FCHSD2: variants seen among roughly 807,000 people sequenced by gnomAD.
The protein encoded by FCHSD2 is FCH and double SH3 domains 2.
A neutral mutation model predicts 108.1 loss-of-function variants in FCHSD2; 38 were observed. The ratio of observed to expected loss-of-function variants is 0.35; its 90% CI spans 0.27 to 0.46. FCHSD2 has a LOEUF of 0.46. FCHSD2 is among the 20% of genes least tolerant of loss of function. FCHSD2 has a pLI of 1.00. For missense variants in FCHSD2, 751 were observed against 897.8 expected, an observed-to-expected ratio of 0.84 and a Z score of 2.09; for synonymous variants, 279 against 314.7, an observed-to-expected ratio of 0.89 and a Z score of 1.20.
chr11:72,975,179 T>C (rs889254341), intron 8 of FCHSD2, among the ~76,000 whole-genome samples: 16 of 152,238 alleles, frequency 1.1e-4, no homozygotes, highest in Non-Finnish European at 1.8e-4. Context: ...TAATATTTCA[T>C]TGTGTATATA....
rs1484449577 is a variant in FCHSD2 at position 72,921,921 on chromosome 11, G to A, written c.735C>T (p.Leu245=). 6 of 1,596,552 alleles carry A rather than the reference G, an allele frequency of 3.8e-6. No homozygotes were observed. In the Admixed American group the frequency reaches 5.2e-5, roughly 14 times the overall value. ...GGCTGAAGGCTATTAAATAATCCTTGAGATGATCATACACATTTCCATCAA... is the reference window on the plus strand; with the variant it reads ...GGCTGAAGGCTATTAAATAATCCTTAAGATGATCATACACATTTCCATCAA... ...KALDGNVYDH[L]KDYLIAFSRT... Residue 245 remains leucine (L), a synonymous_variant, in exon 9 of 20, where the codon CTC becomes CTT. Transcript: ENST00000409418.
intron 2 of FCHSD2, among the ~76,000 whole-genome samples, chr11:73,119,028 G>A (rs1219013584): frequency 1.3e-5 from 2 of 151,968 alleles, no homozygotes; most frequent in African/African-American, 2.4e-5. Context: ...AAGGCCAGGC[G>A]CGGTGACTCA....
At chr11:73,128,946 A>C (rs1745165025) in intron 2 of FCHSD2, among the ~76,000 whole-genome samples, 1 of 152,120 alleles carries the variant, frequency 6.6e-6, no homozygotes, top group Non-Finnish European at 1.5e-5. Flanking sequence ...ATCTCAGCTC[A>C]CTGCAACCTC....
Position 73,002,723 on chromosome 11 carries a change from G to A in FCHSD2, c.243-1589C>T, listed in dbSNP as rs372934826. Among the ~76,000 whole-genome samples, 42 of 152,198 alleles carry A rather than the reference G, an allele frequency of 2.8e-4. No individual in the cohort carries two copies. In the South Asian group the frequency reaches 7.9e-3, roughly 29 times the overall value. The stretch of plus-strand genomic sequence containing the variant: ...TCTTTATCCCTTCTCCTAGTTAATA[G>A]CTGTTTGCCCTTCCAGTCTCAGTTT... On this transcript the variant is annotated intron_variant, in intron 4 of 19. Coordinates refer to ENST00000409418, the MANE Select transcript of FCHSD2 (RefSeq NM_014824.3).
chr11:73,136,465 T>C (rs1162448318), intron 2 of FCHSD2, among the ~76,000 whole-genome samples: 1 of 151,344 alleles, frequency 6.6e-6, no homozygotes, highest in Non-Finnish European at 1.5e-5. Flanking sequence ...GGAGGATCGC[T>C]TGAGCCCGAG....
intron 3 of FCHSD2, 44 bp downstream of exon 3, chr11:73,083,651 G>A: frequency 1.6e-6 from 2 of 1,289,698 alleles, no homozygotes; most frequent in Non-Finnish European, 2.2e-6. Flanking sequence ...TTAAGCCACG[G>A]AAAAGAAGTA....
intron 13 of FCHSD2, among the ~76,000 whole-genome samples, chr11:72,855,849 A>G (rs1435058288): frequency 6.6e-6 from 1 of 152,194 alleles, no homozygotes; most frequent in Non-Finnish European, 1.5e-5. Context: ...TAAAGACTGG[A>G]GAATAGAGGA....
chr11:72,965,959 T>C (rs1478254629), intron 8 of FCHSD2, among the ~76,000 whole-genome samples: 2 of 152,070 alleles, frequency 1.3e-5, no homozygotes, highest in Non-Finnish European at 2.9e-5. Flanking sequence ...CTCAAAAATA[T>C]AAACATCGGC....
At chr11:72,888,915 CCCAG>C (rs1178609583) in intron 11 of FCHSD2, among the ~76,000 whole-genome samples, 1 of 152,194 alleles carries the variant, frequency 6.6e-6, no homozygotes, top group African/African-American at 2.4e-5. Context: ...AGCCACTGCG[CCCAG>C]CCAAACATAT....
At chr11:73,005,338 C>CA (rs1185250944) in intron 4 of FCHSD2, among the ~76,000 whole-genome samples, 2 of 152,196 alleles carry the variant, frequency 1.3e-5, no homozygotes, top group African/African-American at 2.4e-5. Flanking sequence ...AATTGCTTGC[C>CA]AAAGTCATCA....
intron 12 of FCHSD2, among the ~76,000 whole-genome samples, chr11:72,879,762 C>A (rs1855042033): frequency 6.6e-6 from 1 of 152,056 alleles, no homozygotes; most frequent in Non-Finnish European, 1.5e-5. Flanking sequence ...ATGAGCTTTG[C>A]ATATGACATG....
intron 10 of FCHSD2, among the ~76,000 whole-genome samples, chr11:72,896,764 T>TAAAAAAAAAAAAAAAAAA (rs58159831): frequency 1.5e-5 from 1 of 68,388 alleles, no homozygotes. Context: ...GGGAAAATAC[T>TAAAAAAAAAAAAAAAAAA]AAAAAAAAAA....
chr11:72,861,356 T>C (rs1861567956), intron 13 of FCHSD2, among the ~76,000 whole-genome samples: 1 of 150,110 alleles, frequency 6.7e-6, no homozygotes, highest in South Asian at 2.1e-4. Context: ...AATAACCCTG[T>C]ATCTACTAAA....
intron 13 of FCHSD2, among the ~76,000 whole-genome samples, chr11:72,850,340 C>T (rs969867782): frequency 2.0e-5 from 3 of 152,058 alleles, no homozygotes; most frequent in Non-Finnish European, 4.4e-5. Context: ...GCTGGTATTA[C>T]AGGTGTGAGC....
chr11:73,088,779 C>T (rs370691571), intron 2 of FCHSD2, among the ~76,000 whole-genome samples: 1 of 152,112 alleles, frequency 6.6e-6, no homozygotes, highest in African/African-American at 2.4e-5. Flanking sequence ...CTAGTTCACA[C>T]TTTCACCATT....
chr11:73,001,146 GAGGGA>G lies in FCHSD2; in HGVS notation c.243-17_243-13del, dbSNP rs1441399068. ...CGGGATACATGCTCCTAAATTCAAAGAGGGATAGAAAAGCATTAGGCAGGGAACAG... is the reference window on the plus strand; with the variant it reads ...CGGGATACATGCTCCTAAATTCAAAGTAGAAAAGCATTAGGCAGGGAACAG... On this transcript the variant is annotated splice_polypyrimidine_tract_variant and intron_variant, in intron 4 of 19. Coordinates refer to ENST00000409418, the MANE Select transcript of FCHSD2 (RefSeq NM_014824.3). 1 of 1,611,506 alleles carries G rather than the reference GAGGGA, an allele frequency of 6.2e-7. No individual in the cohort carries two copies. The highest frequency in any genetic ancestry group is 1.7e-4 in the Middle Eastern group (1 of 6,056).
intron 8 of FCHSD2, among the ~76,000 whole-genome samples, chr11:72,981,667 T>G (rs75432004): frequency 6.6e-6 from 1 of 152,196 alleles, no homozygotes. Context: ...TGAAGCACTA[T>G]GTAATACCTA....
At chr11:72,909,881 G>A (rs556446174) in intron 9 of FCHSD2, among the ~76,000 whole-genome samples, 79 of 129,516 alleles carry the variant, frequency 6.1e-4, no homozygotes, top group Non-Finnish European at 1.1e-3. Flanking sequence ...CCCGGCAGCC[G>A]CCCCATCTGG....
chr11:72,963,997 T>C (rs1355391440), intron 8 of FCHSD2, among the ~76,000 whole-genome samples: 1 of 152,202 alleles, frequency 6.6e-6, no homozygotes, highest in Non-Finnish European at 1.5e-5. Flanking sequence ...ACTTACCAAG[T>C]AACCAGAGGG....
Sources: allele counts gnomAD v4.1 joint callset (sites outside exome capture counted in the v4.1 genomes callset), GRCh38; gene constraint gnomAD v4.1.1; transcripts MANE v1.5; gene names NCBI Gene and HGNC (gene_info 2026-07-23, HGNC 2026-07-21).